Variants in MATN4 observed in about 807,000 individuals in gnomAD.
MATN4 encodes the protein matrilin 4, also known as matrilin-4.
In MATN4, 40 loss-of-function variants were observed where a neutral mutation model predicts 54.6. The ratio of observed to expected loss-of-function variants is 0.73; its 90% confidence interval spans 0.57 to 0.95. The LOEUF (loss-of-function observed/expected upper bound fraction) is 0.95, where lower values mean the gene tolerates loss of function less well. Among genes scored for constraint, MATN4 ranks in the 40% least tolerant of loss-of-function variants. MATN4 has a pLI of 0.00. For missense variants in MATN4, 810 were observed against 819.1 expected, an observed-to-expected ratio of 0.99 and a Z score of 0.13; for synonymous variants, 351 against 345.3, an observed-to-expected ratio of 1.02 and a Z score of -0.18.
At position 45,305,604 on chromosome 20, in the gene MATN4, G is replaced by A. The variant is rs1200905484; in HGVS notation, c.-22C>T. 1.3e-6 allele frequency: 2 copies of A among 1,529,286 alleles called. No homozygotes were observed. Among genetic ancestry groups the A allele is most frequent in the Non-Finnish European group, 1.8e-6 (2 of 1,126,148 alleles). 94.7% of individuals were successfully genotyped at this position (1,529,286 alleles called of 1,614,324 possible). On this transcript the variant is annotated 5_prime_UTR_variant, in exon 2 of 10. Coordinates refer to ENST00000372756, the MANE Select transcript of MATN4 (RefSeq NM_001393530.1). Reference sequence around the variant, plus strand: ...TCATGGCGCTTGGGGACAGAGAATGGAGGTGTCAGAGCCTGGAGGGAGGAA... The same window carrying A: ...TCATGGCGCTTGGGGACAGAGAATGAAGGTGTCAGAGCCTGGAGGGAGGAA...
intron 8 of MATN4, among the ~76,000 whole-genome samples, chr20:45,296,030 A>G (rs1305475010): frequency 2.0e-5 from 3 of 151,820 alleles, no homozygotes; most frequent in Non-Finnish European, 4.4e-5. Context: ...CCTGGCTAAC[A>G]CGGTGAAACC....
chr20:45,308,431 C>G, upstream of MATN4: 1 of 587,192 alleles, frequency 1.7e-6, no homozygotes, highest in South Asian at 2.0e-5. Context: ...CCCAGCACCC[C>G]CTGCTCCTAC....
rs1244038842 is a variant in MATN4, at chr20:45,293,940, G to T, written c.1655C>A (p.Thr552Lys). The T allele has an allele frequency of 2.5e-6, 4 of 1,601,908 alleles. No homozygotes were observed. Among genetic ancestry groups the T allele is most frequent in the Non-Finnish European group, 3.4e-6 (4 of 1,178,608 alleles). Reference protein sequence around the residue: ...CESLVEFQGRTLGALESLTLN... With the variant: ...CESLVEFQGRKLGALESLTLN... ...CGTCAGGCTCTCGAGCGCCCCCAGC[G>T]TGCGGCCCTGGAACTCCACGAGGCT... Residue 552 changes from threonine to lysine, a missense_variant, in exon 9 of 10, where the codon ACG (threonine) becomes AAG (lysine). Thr to Lys is a moderately conservative substitution (Grantham distance 78). Transcript: ENST00000372756.
At chr20:45,308,038 C>A (rs1014258600) in intron 1 of MATN4, 137 bp downstream of exon 1, 35 of 717,464 alleles carry the variant, frequency 4.9e-5, no homozygotes, top group Non-Finnish European at 7.1e-5. Flanking sequence ...TGGAAAGGAC[C>A]CTGCAGAAGT....
chr20:45,298,117 G>T lies in MATN4; in HGVS notation c.1427-47C>A. 2.5e-6 allele frequency: 4 copies of T among 1,603,074 alleles called. No individual in the cohort carries two copies. The highest frequency in any genetic ancestry group is 3.4e-6 in the Non-Finnish European group (4 of 1,172,252). On this transcript the variant is annotated intron_variant, in intron 7 of 9. Transcript: ENST00000372756. The surrounding 1 kb of genome is among the most constrained non-coding windows in gnomAD (Gnocchi z 4.6). The stretch of plus-strand genomic sequence containing the variant: ...GGGTGCCCCAGGCCTCGGGAAAGCT[G>T]CCTCCCAGCGTCTGACCCAACCCCA...
Position 45,298,630 on chromosome 20 carries a change from G to T in MATN4, c.1013-47C>A, listed in dbSNP as rs750456582. On this transcript the variant is annotated intron_variant, in intron 6 of 9. Transcript: ENST00000372756. The surrounding 1 kb of genome is among the most constrained non-coding windows in gnomAD (Gnocchi z 4.6). Reference sequence around the variant, plus strand: ...AATTGAGGGACCAGATTCTGGACTGGCAGCAGCTGTCTATCCATCTAGTCG... The same window carrying T: ...AATTGAGGGACCAGATTCTGGACTGTCAGCAGCTGTCTATCCATCTAGTCG... 2.1e-6 allele frequency: 3 copies of T among 1,448,668 alleles called. No homozygotes were observed. The East Asian group carries it at 7.0e-5, about 34-fold the overall frequency. 89.7% of individuals were successfully genotyped at this position (1,448,668 alleles called of 1,614,324 possible). A position where few individuals can be genotyped will look rare whatever the true frequency, so the allele number is the denominator to read the frequency against.
At position 45,298,898 on chromosome 20, in the gene MATN4, A is replaced by G. The variant is rs146050876; in HGVS notation, c.1013-315T>C. Among the ~76,000 whole-genome samples, 8 of 152,316 alleles carry G rather than the reference A, an allele frequency of 5.3e-5. No individual in the cohort carries two copies. The highest frequency in any genetic ancestry group is 1.0e-4 in the Non-Finnish European group (7 of 68,034). On this transcript the variant is annotated intron_variant, in intron 6 of 9. Transcript: ENST00000372756. This position sits in a 1 kb window ranked among gnomAD's most constrained non-coding sequence, Gnocchi z 4.6. ...ACCATTTATTGATCATCTACTATGT[A>G]TCAGGCACACTTCTAAGCACTCTAC...
chr20:45,297,213 G>A (rs58019049), intron 8 of MATN4, among the ~76,000 whole-genome samples: 74 of 151,988 alleles, frequency 4.9e-4, no homozygotes, highest in African/African-American at 1.7e-3. Context: ...TGGAGCTGCA[G>A]TCTGATAAAT....
chr20:45,294,339 T>G (rs1168080621), intron 8 of MATN4, among the ~76,000 whole-genome samples: 1 of 152,230 alleles, frequency 6.6e-6, no homozygotes, highest in Non-Finnish European at 1.5e-5. Flanking sequence ...CTCATTGGAA[T>G]CATCAGGAGA....
chr20:45,299,391 G>A (rs1986069658), intron 6 of MATN4, among the ~76,000 whole-genome samples: 1 of 152,172 alleles, frequency 6.6e-6, no homozygotes, highest in Admixed American at 6.5e-5. Context: ...TATTCTTCCT[G>A]GAGTTGTTAA....
chr20:45,307,928 T>A (rs1986877028), intron 1 of MATN4, among the ~76,000 whole-genome samples: 1 of 151,962 alleles, frequency 6.6e-6, no homozygotes, highest in Non-Finnish European at 1.5e-5. Flanking sequence ...GTAAATAAAT[T>A]CTCAAAAGTC....
Position 45,304,457 on chromosome 20 carries a change from C to T in MATN4, c.414G>A (p.Val138=). 1 of 1,561,274 alleles carries T rather than the reference C, an allele frequency of 6.4e-7. No homozygotes were observed. The highest frequency in any genetic ancestry group is 2.3e-5 in the East Asian group (1 of 43,304). Residue 138 remains valine (V), a synonymous_variant, in exon 3 of 10, where the codon GTG becomes GTA. Transcript: ENST00000372756. ...CTGTCACGATGACAGCGACACGCGG[C>T]ACGCGCTCCTCTGGCGGTCGCGCGC... ...AEGARPPEER[V]PRVAVIVTDG... is the part of the protein sequence containing the mutation.
In MATN4 at chr20:45,293,515, G is replaced by T. The variant is rs1221998959; in HGVS notation, c.*252C>A. 1 of 457,790 alleles carries T rather than the reference G, an allele frequency of 2.2e-6. No individual in the cohort carries two copies. Among genetic ancestry groups the T allele is most frequent in the South Asian group, 4.5e-5 (1 of 22,042 alleles). 28.4% of individuals were successfully genotyped at this position (457,790 alleles called of 1,614,324 possible). A position where few individuals can be genotyped will look rare whatever the true frequency, so the allele number is the denominator to read the frequency against. ...GAAATCCAACAAAGAACTGAGCGCA[G>T]CACGCGGCGAGGGCGTGCCGGTCTA... On this transcript the variant is annotated 3_prime_UTR_variant, in exon 10 of 10. Transcript: ENST00000372756.
intron 3 of MATN4, 90 bp downstream of exon 3, chr20:45,304,138 C>T (rs1986412631): frequency 1.7e-6 from 2 of 1,199,776 alleles, no homozygotes; most frequent in Admixed American, 5.7e-5. Context: ...GCGGGGCCAC[C>T]CCCACGGGAT....
Position 45,293,620 on chromosome 20 carries a change from T to C in MATN4, c.*147A>G. ...ATGGTCCGGGCGAGGCCAACTCAGC[T>C]CAATGCCGGAAGCCCGCCAGCGCCT... On this transcript the variant is annotated 3_prime_UTR_variant, in exon 10 of 10. Transcript: ENST00000372756. The C allele has an allele frequency of 1.4e-6, 1 of 703,898 alleles. No individual in the cohort carries two copies. Among genetic ancestry groups the C allele is most frequent in the Non-Finnish European group, 2.2e-6 (1 of 447,998 alleles). The allele number at this position is 703,898 out of a possible 1,614,324, so 43.6% of individuals were successfully genotyped here.
intron 8 of MATN4, 54 bp from the exon 9 acceptor site, chr20:45,294,069 C>G: frequency 7.1e-7 from 1 of 1,404,012 alleles, no homozygotes; most frequent in Non-Finnish European, 9.9e-7. Context: ...TAGCTTTGGC[C>G]CTCTGATTTC....
chr20:45,303,475 T>A (rs1453969286), intron 3 of MATN4: 1 of 716,496 alleles, frequency 1.4e-6, no homozygotes, highest in African/African-American at 1.7e-5. Context: ...ACATTGGTGC[T>A]GGCAACCATG....
At position 45,304,710 on chromosome 20, in the gene MATN4, C is replaced by G; in HGVS notation, c.161G>C (p.Arg54Pro). The change falls in exon 3 of 10, where the codon CGG becomes CCG. Residue 54 changes from arginine to proline, a missense_variant. Physicochemically the swap from Arg to Pro is moderately radical, Grantham distance 103. Coordinates refer to ENST00000372756, the MANE Select transcript of MATN4 (RefSeq NM_001393530.1). The part of the protein sequence containing the change: ...SVRPFEFETM[R>P]QFLMGLLRGL... Reference sequence around the variant, plus strand: ...TCGGAGGAGGCCCATGAGGAACTGCCGCATGGTCTCGAACTCGAAAGGGCG... The same window carrying G: ...TCGGAGGAGGCCCATGAGGAACTGCGGCATGGTCTCGAACTCGAAAGGGCG... The G allele has an allele frequency of 6.2e-7, 1 of 1,612,214 alleles. No individual in the cohort carries two copies. Among genetic ancestry groups the G allele is most frequent in the Non-Finnish European group, 8.5e-7 (1 of 1,178,916 alleles).
chr20:45,297,420 A>T (rs540879845), intron 8 of MATN4, among the ~76,000 whole-genome samples: 1 of 148,668 alleles, frequency 6.7e-6, no homozygotes, highest in Non-Finnish European at 1.5e-5. Context: ...TGCACTTATG[A>T]GGTATGTTGT....
Sources: allele counts gnomAD v4.1 joint callset (sites outside exome capture counted in the v4.1 genomes callset), GRCh38; gene constraint gnomAD v4.1.1; non-coding constraint Gnocchi (gnomAD v3.1); transcripts MANE v1.5; gene names NCBI Gene and HGNC (gene_info 2026-07-23, HGNC 2026-07-21).